Variants in MYB observed in about 807,000 individuals in gnomAD.
The protein encoded by MYB is transcriptional activator Myb.
MYB carries 28 observed loss-of-function variants against 92.9 expected under a neutral mutation model. The observed-to-expected ratio is 0.30, with a 90% CI of 0.22 to 0.41. MYB has a LOEUF of 0.41. MYB is among the 10% of genes least tolerant of loss of function. MYB has a pLI of 1.00. For missense variants in MYB, 679 were observed against 929.3 expected (o/e 0.73, Z 3.50); for synonymous variants, 295 against 329.1 (o/e 0.90, Z 1.12).
chr6:135,206,419 C>T (rs1425626390), intron 15 of MYB, among the ~76,000 whole-genome samples: 1 of 149,698 alleles, frequency 6.7e-6, no homozygotes, highest in Non-Finnish European at 1.5e-5. Context: ...TTTTTAAGGC[C>T]AGCCGTGGTG....
intron 15 of MYB, among the ~76,000 whole-genome samples, chr6:135,205,247 A>G (rs1311956630): frequency 6.7e-6 from 1 of 148,222 alleles, no homozygotes; most frequent in Non-Finnish European, 1.5e-5. Flanking sequence ...TTTTTTTTTA[A>G]TTATTCCCAC....
At position 135,203,303 on chromosome 6, in the gene MYB, G is replaced by A. The variant is rs765711083; in HGVS notation, c.2148G>A (p.Arg716=). 1.9e-6 allele frequency: 3 copies of A among 1,602,586 alleles called. No homozygotes were observed. Among genetic ancestry groups the A allele is most frequent in the Non-Finnish European group, 2.6e-6 (3 of 1,169,736 alleles). Residue 716 remains arginine (R), a synonymous_variant, in exon 15 of 16, where the codon AGG becomes AGA. Transcript: ENST00000341911. ...AAGCATTTACAGTACCTAAAAACAG[G>A]TCCCTGGCGAGCCCCTTGCAGGTAA... ...VLKAFTVPKN[R]SLASPLQPCS... is the part of the protein sequence containing the mutation.
intron 3 of MYB, among the ~76,000 whole-genome samples, chr6:135,188,665 A>G (rs1583264202): frequency 6.6e-6 from 1 of 152,020 alleles, no homozygotes; most frequent in East Asian, 1.9e-4. Context: ...GCCCGCCACC[A>G]TGCCTGGCTA....
chr6:135,212,333 A>T (rs1305858832), intron 15 of MYB, among the ~76,000 whole-genome samples: 3 of 143,130 alleles, frequency 2.1e-5, no homozygotes, highest in Non-Finnish European at 3.0e-5. Flanking sequence ...GCCAGCAGAT[A>T]CTGGGTGAAG....
At position 135,193,789 on chromosome 6, in the gene MYB, C is replaced by G. The variant is rs374616597; in HGVS notation, c.763-49C>G. 97 of 1,320,282 alleles carry G rather than the reference C, an allele frequency of 7.3e-5. No individual in the cohort carries two copies. In the African/African-American group the frequency reaches 1.2e-3, roughly 17 times the overall value. The allele number at this position is 1,320,282 out of a possible 1,614,324, so 81.8% of individuals were successfully genotyped here. A position where few individuals can be genotyped will look rare whatever the true frequency, so the allele number is the denominator to read the frequency against. On this transcript the variant is annotated intron_variant, in intron 6 of 15. Coordinates refer to ENST00000341911, the MANE Select transcript of MYB (RefSeq NM_001130173.2). ...CCTCAGGAAGCCAAGTCCCCTGAAGCATATGTAGCCCTGAATGACGTGGCC... is the reference window on the plus strand; with the variant it reads ...CCTCAGGAAGCCAAGTCCCCTGAAGGATATGTAGCCCTGAATGACGTGGCC...
intron 1 of MYB, among the ~76,000 whole-genome samples, chr6:135,184,607 C>G (rs1399375483): frequency 2.0e-5 from 3 of 152,000 alleles, no homozygotes; most frequent in African/African-American, 7.3e-5. Context: ...TATGAGAACC[C>G]CCAATTCAGG....
intron 15 of MYB, among the ~76,000 whole-genome samples, chr6:135,207,471 G>A (rs1455315709): frequency 2.6e-5 from 4 of 152,056 alleles, no homozygotes; most frequent in East Asian, 1.9e-4. Context: ...TAATCACCCC[G>A]GCTTGATTAT....
intron 15 of MYB, among the ~76,000 whole-genome samples, chr6:135,204,554 C>T (rs751755736): frequency 2.0e-5 from 3 of 152,188 alleles, no homozygotes; most frequent in Admixed American, 6.5e-5. Flanking sequence ...CTGCCCACCT[C>T]GGCCTCCTAC....
Position 135,190,410 on chromosome 6 carries a change from G to A in MYB, c.527+63G>A. 8.0e-7 allele frequency: 1 copy of A among 1,250,076 alleles called. No homozygotes were observed. 77.4% of individuals were successfully genotyped at this position (1,250,076 alleles called of 1,614,324 possible). A position where few individuals can be genotyped will look rare whatever the true frequency, so the allele number is the denominator to read the frequency against. ...TGAGGGAGTGGGTATTGAACATTCT[G>A]CTTTAAATGTATGGTGAGTAAATTA... On this transcript the variant is annotated intron_variant, in intron 5 of 15. Coordinates refer to ENST00000341911, the MANE Select transcript of MYB (RefSeq NM_001130173.2). The surrounding 1 kb of genome is among the most constrained non-coding windows in gnomAD (Gnocchi z 4.5).
intron 15 of MYB, among the ~76,000 whole-genome samples, chr6:135,206,226 A>AT (rs1778889588): frequency 9.7e-6 from 1 of 102,676 alleles, no homozygotes; most frequent in Non-Finnish European, 2.1e-5. Flanking sequence ...AAAAAAAAAA[A>AT]ATAATAATAA....
chr6:135,206,205 C>CAA (rs67836018), intron 15 of MYB, among the ~76,000 whole-genome samples: 3,914 of 86,742 alleles, frequency 0.045, 45 homozygotes, highest in Non-Finnish European at 0.05. Context: ...GACTCCATCT[C>CAA]AAAAAAAAAA....
At chr6:135,186,874 A>T (rs754269039) in intron 2 of MYB, among the ~76,000 whole-genome samples, 28 of 152,362 alleles carry the variant, frequency 1.8e-4, no homozygotes, top group Non-Finnish European at 3.4e-4. Context: ...TTCATGTTAC[A>T]ATAAATGGTA....
chr6:135,217,914 G>C lies in MYB; in HGVS notation c.2220G>C (p.Gln740His), dbSNP rs1780681344. ...EPASCGKMEE[Q>H]MTSSSQARKY... ...CATCCTGTGGAAAGATGGAGGAGCA[G>C]ATGACATCTTCCAGTCAAGCTCGTA... Residue 740 changes from glutamine to histidine, a missense_variant, in exon 16 of 16, where the codon CAG becomes CAC. Physicochemically the swap from Gln to His is conservative, Grantham distance 24. Transcript: ENST00000341911. 6.2e-7 allele frequency: 1 copy of C among 1,613,526 alleles called. No individual in the cohort carries two copies. Among genetic ancestry groups the C allele is most frequent in the African/African-American group, 1.3e-5 (1 of 74,882 alleles).
At chr6:135,188,420 C>T (rs1256309998) in intron 3 of MYB, among the ~76,000 whole-genome samples, 1 of 152,070 alleles carries the variant, frequency 6.6e-6, no homozygotes, top group African/African-American at 2.4e-5. Context: ...AGGTTGGGCT[C>T]CTGCCCTCTC....
intron 14 of MYB, 106 bp downstream of exon 14, chr6:135,201,855 A>G (rs1778143382): frequency 6.3e-6 from 3 of 477,098 alleles, no homozygotes; most frequent in Admixed American, 7.7e-5. Flanking sequence ...CCTCTTTAAC[A>G]CATCTTATTT....
chr6:135,202,006 A>T (rs1172959498), intron 14 of MYB, among the ~76,000 whole-genome samples: 1 of 152,220 alleles, frequency 6.6e-6, no homozygotes, highest in Non-Finnish European at 1.5e-5. Context: ...GCCATTTAAA[A>T]AAATCTACAT....
chr6:135,184,068 G>A (rs183489505), intron 1 of MYB, among the ~76,000 whole-genome samples: 1 of 152,300 alleles, frequency 6.6e-6, no homozygotes, highest in East Asian at 1.9e-4. Flanking sequence ...GCTTGTTCCT[G>A]GGTTGTTAAA....
chr6:135,197,366 A>C, intron 10 of MYB, 43 bp downstream of exon 10: 1 of 1,449,308 alleles, frequency 6.9e-7, no homozygotes. Flanking sequence ...TTTTCAACAG[A>C]CACCTGAGCC....
chr6:135,195,357 C>CATTAAAATA, intron 8 of MYB: 1 of 177,544 alleles, frequency 5.6e-6, no homozygotes, highest in South Asian at 1.1e-4. Context: ...CCTGAGTCCT[C>CATTAAAATA]TAGCTTTTTT....
Sources: allele counts gnomAD v4.1 joint callset (sites outside exome capture counted in the v4.1 genomes callset), GRCh38; gene constraint gnomAD v4.1.1; non-coding constraint Gnocchi (gnomAD v3.1); transcripts MANE v1.5; gene names NCBI Gene and HGNC (gene_info 2026-07-23, HGNC 2026-07-21).